LAMA4: variants seen among roughly 807,000 people sequenced by gnomAD.
LAMA4 encodes laminin subunit alpha-4.
Under a neutral mutation model 207.1 loss-of-function variants are expected in LAMA4, and 127 were observed. The observed-to-expected ratio is 0.61, with a 90% confidence interval of 0.53 to 0.71. The LOEUF is 0.71. Among genes scored for constraint, LAMA4 ranks in the 30% least tolerant of loss-of-function variants. LAMA4 has a pLI of 0.00. For synonymous variants in LAMA4, 761 were observed against 816.0 expected (o/e 0.93, Z 1.15); for missense variants, 2,093 against 2,246.5 (o/e 0.93, Z 1.38).
chr6:112,148,474 C>T, intron 17 of LAMA4, 138 bp from the exon 18 acceptor site: 1 of 802,462 alleles, frequency 1.2e-6, no homozygotes, highest in African/African-American at 1.7e-5. Flanking sequence ...TTTGGATAAC[C>T]ATGTGGCTCA....
At chr6:112,128,262 A>T (rs1338206830) in intron 31 of LAMA4, among the ~76,000 whole-genome samples, 19 of 152,220 alleles carry the variant, frequency 1.2e-4, no homozygotes, top group Admixed American at 1.2e-3. Flanking sequence ...CAGACTGTTC[A>T]TTGGAACAAG....
chr6:112,191,329 C>T (rs1554348939), intron 6 of LAMA4, among the ~76,000 whole-genome samples: 1 of 152,034 alleles, frequency 6.6e-6, no homozygotes, highest in African/African-American at 2.4e-5. Flanking sequence ...GGCAGGTAAT[C>T]CATAGAAGTC....
intron 2 of LAMA4, among the ~76,000 whole-genome samples, chr6:112,217,419 T>C (rs1431036430): frequency 6.6e-6 from 1 of 152,212 alleles, no homozygotes; most frequent in Non-Finnish European, 1.5e-5. Flanking sequence ...GATAAGAATC[T>C]GCTTTGTTTC....
chr6:112,183,950 C>CAAAA (rs782424211), intron 9 of LAMA4, among the ~76,000 whole-genome samples: 13 of 81,672 alleles, frequency 1.6e-4, no homozygotes, highest in South Asian at 4.7e-4. Context: ...GACTCCATCT[C>CAAAA]AAAAAAAAAA....
chr6:112,215,785 G>A (rs547414645), intron 3 of LAMA4, among the ~76,000 whole-genome samples: 117 of 152,286 alleles, frequency 7.7e-4, no homozygotes, highest in Non-Finnish European at 1.3e-3. Context: ...CTTCAATGAA[G>A]AACAGTCTAT....
chr6:112,154,901 C>T lies in LAMA4; in HGVS notation c.2006G>A (p.Ser669Asn). The T allele has an allele frequency of 6.2e-7, 1 of 1,613,578 alleles. No homozygotes were observed. Among genetic ancestry groups the T allele is most frequent in the Non-Finnish European group, 8.5e-7 (1 of 1,179,568 alleles). The change falls in exon 16 of 39, where the codon AGT becomes AAT. Residue 669 changes from serine to asparagine, a missense_variant. Physicochemically the swap from Ser to Asn is conservative, Grantham distance 46. This residue lies in a region of LAMA4 where 1,704 missense variants were observed against 1,788.4 expected (regional missense o/e 0.95). Transcript: ENST00000230538. The stretch of plus-strand genomic sequence containing the variant: ...TCTGGCTTGATTGAGGAGGTTCTCA[C>T]TTTCATCTTTATGGTAAATGATTTG... ...DTQIIYHKDE[S>N]ENLLNQAREL...
In LAMA4 at chr6:112,129,950, A is replaced by T. The variant is rs782273793; in HGVS notation, c.4059T>A (p.Phe1353Leu). 10 of 1,613,236 alleles carry T rather than the reference A, an allele frequency of 6.2e-6. No homozygotes were observed. In the Admixed American group the frequency reaches 1.7e-4, roughly 27 times the overall value. The change falls in exon 30 of 39, where the codon TTT becomes TTA. Residue 1353 changes from phenylalanine to leucine, a missense_variant. Phe to Leu is a conservative substitution (Grantham distance 22). Around this residue, in one of 3 missense-constraint regions of LAMA4, gnomAD observed 1,704 missense variants for 1,788.4 expected, o/e 0.95. Transcript: ENST00000230538. Reference sequence around the variant, plus strand: ...CACTGATTGGTGAGCCACCGAAGTAAAACTTCTTTTCACTTGCTTGTGTCT... The same window carrying T: ...CACTGATTGGTGAGCCACCGAAGTATAACTTCTTTTCACTTGCTTGTGTCT... ...IEQTQASEKK[F>L]YFGGSPISAQ...
At chr6:112,229,607 G>A (rs567537393) in intron 2 of LAMA4, among the ~76,000 whole-genome samples, 1 of 152,184 alleles carries the variant, frequency 6.6e-6, no homozygotes, top group East Asian at 1.9e-4. Flanking sequence ...ATGGACATAA[G>A]TGCTTCTTAC....
Position 112,148,305 on chromosome 6 carries a change from T to A in LAMA4, c.2205A>T (p.Arg735Ser). ...TCCTGTTGGCTTCCTCGGTGATCAGTCTAGACTGCCCCAGGCGCTGCTGGG... is the reference window on the plus strand; with the variant it reads ...TCCTGTTGGCTTCCTCGGTGATCAGACTAGACTGCCCCAGGCGCTGCTGGG... Reference protein sequence around the residue: ...GDAQQRLGQSRLITEEANRTT... With the variant: ...GDAQQRLGQSSLITEEANRTT... The change falls in exon 18 of 39, where the codon AGA becomes AGT. Residue 735 changes from arginine (R) to serine (S), a missense_variant. By Grantham distance (110) the Arg-to-Ser change is moderately radical. Around this residue, in one of 3 missense-constraint regions of LAMA4, gnomAD observed 1,704 missense variants for 1,788.4 expected, o/e 0.95. Transcript: ENST00000230538. The A allele has an allele frequency of 6.2e-7, 1 of 1,614,188 alleles. No homozygotes were observed. The highest frequency in any genetic ancestry group is 8.5e-7 in the Non-Finnish European group (1 of 1,180,032).
chr6:112,232,825 G>A (rs1302679610), intron 2 of LAMA4, among the ~76,000 whole-genome samples: 1 of 152,168 alleles, frequency 6.6e-6, no homozygotes. Flanking sequence ...GAATGGGGAA[G>A]GCTGAGAGTA....
Position 112,128,972 on chromosome 6 carries a change from GGAGGAGAAACAATGGT to G in LAMA4, c.4221_4236del (p.Pro1408IlefsTer32). 6.2e-7 allele frequency: 1 copy of G among 1,613,148 alleles called. No homozygotes were observed. Among genetic ancestry groups the G allele is most frequent in the Non-Finnish European group, 8.5e-7 (1 of 1,179,306 alleles). The stretch of plus-strand genomic sequence containing the variant: ...TTGGATAAATTTTTTCCTTTTTTAT[GGAGGAGAAACAATGGT>G]GAAGACTCAATGGGACACTCATAAA... On this transcript the variant is annotated frameshift_variant, in exon 31 of 39. Transcript: ENST00000230538. LOFTEE classifies it high-confidence loss of function.
chr6:112,139,035 T>G, intron 24 of LAMA4, 85 bp downstream of exon 24: 1 of 1,329,006 alleles, frequency 7.5e-7, no homozygotes, highest in Non-Finnish European at 1.1e-6. Context: ...CATGACACAC[T>G]AGACCTGGGA....
intron 2 of LAMA4, among the ~76,000 whole-genome samples, chr6:112,251,808 CAT>C (rs1437427142): frequency 2.6e-5 from 4 of 152,230 alleles, no homozygotes; most frequent in Admixed American, 6.5e-5. Flanking sequence ...CTTTCTACAC[CAT>C]ATACTTTGAC....
In LAMA4 at chr6:112,240,249, T is replaced by C. The variant is rs150365898; in HGVS notation, c.195+13707A>G. ...TTTTGTTTAATTGTTTTATTTTTAA[T>C]CTTTGTATTTTTTTTAAAATTGTTG... On this transcript the variant is annotated intron_variant, in intron 2 of 38. Transcript: ENST00000230538. Among the ~76,000 whole-genome samples the C allele has an allele frequency of 2.4e-3, 360 of 152,336 alleles. 1 individual carries two copies. Among genetic ancestry groups the C allele is most frequent in the African/African-American group, 8.3e-3 (347 of 41,564 alleles).
Position 112,178,148 on chromosome 6 carries a change from C to T in LAMA4, c.1162G>A (p.Ala388Thr). The part of the protein sequence containing the change: ...INHASQLVEQ[A>T]HDMRDKIQEI... ...TGGATTTTATCCCTCATATCATGGGCTTGCTCTACCAGCTGACTTGCGTGG... is the reference window on the plus strand; with the variant it reads ...TGGATTTTATCCCTCATATCATGGGTTTGCTCTACCAGCTGACTTGCGTGG... The change falls in exon 10 of 39, where the codon GCC becomes ACC. Residue 388 changes from alanine to threonine, a missense_variant. Ala to Thr is a moderately conservative substitution (Grantham distance 58, BLOSUM62 0). Transcript: ENST00000230538. 6.2e-7 allele frequency: 1 copy of T among 1,613,614 alleles called. No individual in the cohort carries two copies. The highest frequency in any genetic ancestry group is 8.5e-7 in the Non-Finnish European group (1 of 1,179,562).
chr6:112,210,142 C>A (rs1784283719), intron 3 of LAMA4, among the ~76,000 whole-genome samples: 1 of 151,968 alleles, frequency 6.6e-6, no homozygotes, highest in African/African-American at 2.4e-5. Context: ...GCCTGTACAG[C>A]CCACAGAAGA....
rs1347627412 is a variant in LAMA4 at position 112,109,229 on chromosome 6, A to G, written c.*208T>C. 2 of 607,318 alleles carry G rather than the reference A, an allele frequency of 3.3e-6. No individual in the cohort carries two copies. Among genetic ancestry groups the G allele is most frequent in the African/African-American group, 1.9e-5 (1 of 54,028 alleles). 37.6% of individuals were successfully genotyped at this position (607,318 alleles called of 1,614,324 possible). Reference sequence around the variant, plus strand: ...TACAAGTAAGTTTGCCACTCCTTCAATTGTTGTCCATTGCAGACACTTTGG... The same window carrying G: ...TACAAGTAAGTTTGCCACTCCTTCAGTTGTTGTCCATTGCAGACACTTTGG... On this transcript the variant is annotated 3_prime_UTR_variant, in exon 39 of 39. Transcript: ENST00000230538.
At chr6:112,246,456 C>T (rs373474875) in intron 2 of LAMA4, among the ~76,000 whole-genome samples, 3 of 149,818 alleles carry the variant, frequency 2.0e-5, no homozygotes, top group African/African-American at 7.4e-5. Flanking sequence ...GAAACTGTGA[C>T]AAGTCAGATT....
At chr6:112,209,934 C>T (rs782173270) in intron 3 of LAMA4, among the ~76,000 whole-genome samples, 15 of 152,148 alleles carry the variant, frequency 9.9e-5, no homozygotes, top group South Asian at 4.2e-4. Context: ...AATGGCTTAG[C>T]GTGATTCCCC....
Sources: gnomAD v4.1 joint callset for allele counts (sites outside exome capture counted in the v4.1 genomes callset) on GRCh38, gnomAD v4.1.1 for gene constraint, gnomAD v4.1.1 regional missense constraint, MANE v1.5 for transcripts, NCBI Gene and HGNC (gene_info 2026-07-23, HGNC 2026-07-21) for gene names.